The following WNT8B variants were observed in gnomAD, a reference collection of about 807,000 sequenced individuals.
WNT8B encodes protein Wnt-8b.
Under a neutral mutation model 36.6 loss-of-function variants are expected in WNT8B, and 24 were observed. The observed-to-expected ratio is 0.66, with a 90% CI of 0.48 to 0.92. WNT8B has a LOEUF of 0.92. Among genes scored for constraint, WNT8B ranks in the 40% least tolerant of loss-of-function variants. The probability of loss-of-function intolerance (pLI) is 0.00; values close to 1 mark genes in which losing one functional copy is unlikely to be tolerated. For missense variants in WNT8B, 402 were observed against 470.8 expected, an observed-to-expected ratio of 0.85 and a Z score of 1.35; for synonymous variants, 199 against 189.8, an observed-to-expected ratio of 1.05 and a Z score of -0.40.
chr10:100,481,824 C>T, intron 4 of WNT8B, 88 bp from the exon 5 acceptor site: 4 of 1,547,920 alleles, frequency 2.6e-6, no homozygotes, highest in Non-Finnish European at 2.6e-6. Context: ...TCCTGGACCC[C>T]CCCACCCCCA....
chr10:100,472,113 TTTC>T (rs1251031372), intron 1 of WNT8B, among the ~76,000 whole-genome samples: 3 of 149,752 alleles, frequency 2.0e-5, no homozygotes, highest in Non-Finnish European at 1.5e-5. Flanking sequence ...AAGATTTCTT[TTTC>T]TTTTTTTTTT....
Position 100,479,965 on chromosome 10 carries a change from G to T in WNT8B, c.194G>T (p.Cys65Phe), listed in dbSNP as rs1851089370. 6.2e-7 allele frequency: 1 copy of T among 1,613,892 alleles called. No individual in the cohort carries two copies. Among genetic ancestry groups the T allele is most frequent in the Non-Finnish European group, 8.5e-7 (1 of 1,179,894 alleles). ...CAGTTTGCCTGGGACCGCTGGAACT[G>T]CCCTGAGAGAGCCCTGCAGCTGTCC... ...KYQFAWDRWN[C>F]PERALQLSSH... is the part of the protein sequence containing the mutation. Residue 65 changes from cysteine (C) to phenylalanine (F), a missense_variant, in exon 3 of 6, where the codon TGC (cysteine) becomes TTC (phenylalanine). By Grantham distance (205) the Cys-to-Phe change is radical. Coordinates refer to ENST00000343737, the MANE Select transcript of WNT8B (RefSeq NM_003393.4).
intron 4 of WNT8B, 71 bp from the exon 5 acceptor site, chr10:100,481,841 T>G: frequency 9.5e-7 from 1 of 1,054,644 alleles, no homozygotes; most frequent in Non-Finnish European, 1.4e-6. Context: ...CCCAACCCAA[T>G]TAGAAACAGC....
intron 1 of WNT8B, among the ~76,000 whole-genome samples, chr10:100,477,547 C>A (rs1851053602): frequency 6.6e-6 from 1 of 152,136 alleles, no homozygotes; most frequent in South Asian, 2.1e-4. Flanking sequence ...GATCTGCCTG[C>A]CTTGGCCTCC....
At position 100,472,975 on chromosome 10, in the gene WNT8B, A is replaced by C. The variant is rs79696374; in HGVS notation, c.69-6077A>C. On this transcript the variant is annotated intron_variant, in intron 1 of 5. Transcript: ENST00000343737. The stretch of plus-strand genomic sequence containing the variant: ...GCCACAGGCTTCCTATATTTCTCAA[A>C]ATCTTTTTGCAGTTCTTTTTCTCCT... Among the ~76,000 whole-genome samples the C allele has an allele frequency of 5.7e-3, 863 of 152,178 alleles. 9 individuals carry two copies. The highest frequency in any genetic ancestry group is 0.02 in the African/African-American group (841 of 41,496).
intron 1 of WNT8B, 68 bp downstream of exon 1, chr10:100,463,304 C>T: frequency 6.7e-7 from 1 of 1,486,586 alleles, no homozygotes; most frequent in Non-Finnish European, 9.3e-7. Flanking sequence ...GGGTAAAGCT[C>T]ATTTCATTTC....
chr10:100,482,592 G>A lies in WNT8B; in HGVS notation c.832G>A (p.Ala278Thr). 4 of 1,597,496 alleles carry A rather than the reference G, an allele frequency of 2.5e-6. No homozygotes were observed. Among genetic ancestry groups the A allele is most frequent in the Non-Finnish European group, 3.4e-6 (4 of 1,177,232 alleles). The change falls in exon 6 of 6, where the codon GCC (alanine) becomes ACC (threonine). Residue 278 changes from alanine to threonine, a missense_variant. Physicochemically the swap from Ala to Thr is moderately conservative, Grantham distance 58. Transcript: ENST00000343737. The surrounding 1 kb of genome is among the most constrained non-coding windows in gnomAD (Gnocchi z 6.6). ...EGRECLRRGR[A>T]LGRWERRSCR... is the part of the protein sequence containing the mutation. ...CCGAGAGTGCCTAAGGCGCGGGCGG[G>A]CCCTGGGTCGCTGGGAACGCCGCAG... is the stretch of plus-strand genomic sequence containing the variant.
chr10:100,471,388 C>T (rs1216738460), intron 1 of WNT8B, among the ~76,000 whole-genome samples: 1 of 152,156 alleles, frequency 6.6e-6, no homozygotes, highest in Non-Finnish European at 1.5e-5. Context: ...GAAAATGTGC[C>T]CAGGGGATGT....
chr10:100,465,042 G>A (rs1850894788), intron 1 of WNT8B, among the ~76,000 whole-genome samples: 1 of 152,022 alleles, frequency 6.6e-6, no homozygotes, highest in African/African-American at 2.4e-5. Flanking sequence ...TTTATGTAAG[G>A]ACCTCAAAAG....
Position 100,482,657 on chromosome 10 carries a change from G to A in WNT8B, c.897G>A (p.Glu299=), listed in dbSNP as rs577329217. The A allele has an allele frequency of 1.9e-6, 3 of 1,607,208 alleles. No individual in the cohort carries two copies. The highest frequency in any genetic ancestry group is 2.2e-5 in the South Asian group (2 of 90,856). ...RLCGDCGLAV[E]ERRAETVSSC... ...GCGGGGACTGCGGGCTGGCGGTGGAGGAGCGCCGGGCCGAGACCGTGTCCA... is the reference window on the plus strand; with the variant it reads ...GCGGGGACTGCGGGCTGGCGGTGGAAGAGCGCCGGGCCGAGACCGTGTCCA... Residue 299 remains glutamate (E), a synonymous_variant, in exon 6 of 6, where the codon GAG becomes GAA. Transcript: ENST00000343737. This position sits in a 1 kb window ranked among gnomAD's most constrained non-coding sequence, Gnocchi z 6.6.
At position 100,483,144 on chromosome 10, in the gene WNT8B, T is replaced by C. The variant is rs1851141873; in HGVS notation, c.*328T>C. On this transcript the variant is annotated 3_prime_UTR_variant, in exon 6 of 6. Coordinates refer to ENST00000343737, the MANE Select transcript of WNT8B (RefSeq NM_003393.4). ...ATGTCTGACCTAGCCTATCAAGCCTTAGGCGCTGGAAGAACCCTTCTCAGA... is the reference window on the plus strand; with the variant it reads ...ATGTCTGACCTAGCCTATCAAGCCTCAGGCGCTGGAAGAACCCTTCTCAGA... The C allele has an allele frequency of 7.3e-6, 2 of 275,494 alleles. No individual in the cohort carries two copies. The highest frequency in any genetic ancestry group is 6.7e-6 in the Non-Finnish European group (1 of 148,420). The allele number at this position is 275,494 out of a possible 1,614,324, so 17.1% of individuals were successfully genotyped here.
Position 100,482,643 on chromosome 10 carries a change from G to C in WNT8B, c.883G>C (p.Gly295Arg), listed in dbSNP as rs1322681355. Residue 295 changes from glycine to arginine, a missense_variant, in exon 6 of 6, where the codon GGG (glycine) becomes CGG (arginine). Coordinates refer to ENST00000343737, the MANE Select transcript of WNT8B (RefSeq NM_003393.4). The surrounding 1 kb of genome is among the most constrained non-coding windows in gnomAD (Gnocchi z 6.6). ...RSCRRLCGDC[G>R]LAVEERRAET... The stretch of plus-strand genomic sequence containing the variant: ...CTGCCGCCGGCTCTGCGGGGACTGC[G>C]GGCTGGCGGTGGAGGAGCGCCGGGC... 3 of 1,605,078 alleles carry C rather than the reference G, an allele frequency of 1.9e-6. No individual in the cohort carries two copies. The highest frequency in any genetic ancestry group is 2.5e-6 in the Non-Finnish European group (3 of 1,178,328).
intron 1 of WNT8B, among the ~76,000 whole-genome samples, chr10:100,476,595 A>G (rs1400438240): frequency 1.6e-5 from 2 of 121,676 alleles, no homozygotes; most frequent in Admixed American, 8.1e-5. Flanking sequence ...GTACACCAGC[A>G]TGGAACAATA....
At chr10:100,479,736 C>A in intron 2 of WNT8B, 138 bp from the exon 3 acceptor site, 1 of 1,140,176 alleles carries the variant, frequency 8.8e-7, no homozygotes, top group Non-Finnish European at 1.2e-6. Context: ...TTTGTGATGT[C>A]AAATGAGACA....
rs35452018 is a variant in WNT8B, at chr10:100,482,723, C to T, written c.963C>T (p.Cys321=). 3 of 1,607,308 alleles carry T rather than the reference C, an allele frequency of 1.9e-6. No individual in the cohort carries two copies. In the South Asian group the frequency reaches 3.3e-5, roughly 18 times the overall value. ...TCCACTGGTGCTGCGCAGTCCGCTGCGAGCAGTGCCGCCGGAGGGTCACCA... is the reference window on the plus strand; with the variant it reads ...TCCACTGGTGCTGCGCAGTCCGCTGTGAGCAGTGCCGCCGGAGGGTCACCA... ...CKFHWCCAVR[C]EQCRRRVTKY... Residue 321 remains cysteine (C), a synonymous_variant, in exon 6 of 6, where the codon TGC becomes TGT. Coordinates refer to ENST00000343737, the MANE Select transcript of WNT8B (RefSeq NM_003393.4). This position sits in a 1 kb window ranked among gnomAD's most constrained non-coding sequence, Gnocchi z 6.6.
chr10:100,482,114 G>C lies in WNT8B; in HGVS notation c.510+60G>C. 1 of 1,607,572 alleles carries C rather than the reference G, an allele frequency of 6.2e-7. No homozygotes were observed. The highest frequency in any genetic ancestry group is 8.5e-7 in the Non-Finnish European group (1 of 1,175,648). The stretch of plus-strand genomic sequence containing the variant: ...TGGCTATATCCACTACCAGCTCCAG[G>C]TGCGGACAACTCTTCAGTTCATTTA... On this transcript the variant is annotated intron_variant, in intron 5 of 5. Coordinates refer to ENST00000343737, the MANE Select transcript of WNT8B (RefSeq NM_003393.4). This position sits in a 1 kb window ranked among gnomAD's most constrained non-coding sequence, Gnocchi z 6.6.
intron 1 of WNT8B, among the ~76,000 whole-genome samples, chr10:100,468,952 T>A (rs10883498): frequency 0.22 from 33,334 of 152,144 alleles, 3,754 homozygotes; most frequent in South Asian, 0.23. Context: ...CTTTAAAAAA[T>A]TTTTTTTGTC....
At chr10:100,478,915 G>C in intron 1 of WNT8B, 137 bp from the exon 2 acceptor site, 1 of 736,332 alleles carries the variant, frequency 1.4e-6, no homozygotes, top group Admixed American at 3.1e-5. Context: ...GTTATGCACA[G>C]TGTTTCCTGG....
chr10:100,467,085 C>A (rs1285926473), intron 1 of WNT8B, among the ~76,000 whole-genome samples: 1 of 152,040 alleles, frequency 6.6e-6, no homozygotes, highest in Non-Finnish European at 1.5e-5. Context: ...TTGAAATACA[C>A]CTGCACTCCC....
Sources: allele counts gnomAD v4.1 joint callset (sites outside exome capture counted in the v4.1 genomes callset), GRCh38; gene constraint gnomAD v4.1.1; non-coding constraint Gnocchi (gnomAD v3.1); transcripts MANE v1.5; gene names NCBI Gene and HGNC (gene_info 2026-07-23, HGNC 2026-07-21).